The following MTFR2 variants were observed in gnomAD, a reference collection of about 807,000 sequenced individuals.
MTFR2 encodes the protein DUF729 domain-containing protein 1.
A neutral mutation model predicts 41.2 loss-of-function variants in MTFR2; 44 were observed. The ratio of observed to expected loss-of-function variants is 1.07; its 90% confidence interval spans 0.84 to 1.37. The LOEUF is 1.37. Ranked by LOEUF, MTFR2 falls within the 40% of genes most tolerant of loss-of-function variation. MTFR2 has a pLI of 0.00. For missense variants in MTFR2, 452 were observed against 459.5 expected, an observed-to-expected ratio of 0.98 and a Z score of 0.15; for synonymous variants, 141 against 154.6, an observed-to-expected ratio of 0.91 and a Z score of 0.65.
chr6:136,236,887 A>G (rs1779921237), intron 6 of MTFR2, among the ~76,000 whole-genome samples: 1 of 152,364 alleles, frequency 6.6e-6, no homozygotes, highest in South Asian at 2.1e-4. Flanking sequence ...CAGTAAAGAA[A>G]TGAAAAAGAT....
intron 6 of MTFR2, among the ~76,000 whole-genome samples, chr6:136,236,330 T>C (rs1779904475): frequency 6.6e-6 from 1 of 151,934 alleles, no homozygotes; most frequent in Non-Finnish European, 1.5e-5. Flanking sequence ...AGCCTGGCCA[T>C]GAATGATGAC....
intron 6 of MTFR2, among the ~76,000 whole-genome samples, chr6:136,236,616 T>A (rs1413609393): frequency 6.6e-6 from 1 of 152,116 alleles, no homozygotes; most frequent in Admixed American, 6.5e-5. Context: ...CCTACAGCCA[T>A]GAGATTCTTC....
chr6:136,231,079 G>A lies in MTFR2; in HGVS notation c.*196C>T. The A allele has an allele frequency of 1.9e-6, 1 of 520,960 alleles. No individual in the cohort carries two copies. The highest frequency in any genetic ancestry group is 2.7e-5 in the South Asian group (1 of 37,372). 32.3% of individuals were successfully genotyped at this position (520,960 alleles called of 1,614,324 possible). On this transcript the variant is annotated 3_prime_UTR_variant, in exon 8 of 8. Transcript: ENST00000420702. ...TAAGCTCTATGTACAGAAGAACAGA[G>A]TATAAACGTAAAAAGGAACAAAGGA... is the stretch of plus-strand genomic sequence containing the variant.
intron 3 of MTFR2, among the ~76,000 whole-genome samples, chr6:136,244,426 C>G (rs543582841): frequency 1.3e-5 from 2 of 152,254 alleles, no homozygotes; most frequent in African/African-American, 4.8e-5. Context: ...AAAAGGTTTG[C>G]AGACTAGAAG....
At position 136,244,783 on chromosome 6, in the gene MTFR2, A is replaced by C; in HGVS notation, c.150T>G (p.Cys50Trp). Reference protein sequence around the residue: ...IIGKMLPLEPCRRPNFELIPL... With the variant: ...IIGKMLPLEPWRRPNFELIPL... ...GACTTACCTCAAAATTAGGTCTTCG[A>C]CAAGGTTCCAGTGGAAGCATTTTCC... The change falls in exon 3 of 8, where the codon TGT becomes TGG. Residue 50 changes from cysteine (C) to tryptophan (W), a missense_variant. Cys to Trp is a radical substitution (Grantham distance 215, BLOSUM62 -2). Coordinates refer to ENST00000420702, the MANE Select transcript of MTFR2 (RefSeq NM_001099286.3). 1 of 1,612,234 alleles carries C rather than the reference A, an allele frequency of 6.2e-7. No homozygotes were observed. Among genetic ancestry groups the C allele is most frequent in the Non-Finnish European group, 8.5e-7 (1 of 1,178,918 alleles).
At chr6:136,236,322 C>A (rs1226418422) in intron 6 of MTFR2, among the ~76,000 whole-genome samples, 1 of 151,936 alleles carries the variant, frequency 6.6e-6, no homozygotes, top group African/African-American at 2.4e-5. Context: ...AAAGGAAGAG[C>A]CTGGCCATGA....
In MTFR2 at chr6:136,244,811, A is replaced by G; in HGVS notation, c.122T>C (p.Ile41Thr). 1 of 1,612,946 alleles carries G rather than the reference A, an allele frequency of 6.2e-7. No homozygotes were observed. Among genetic ancestry groups the G allele is most frequent in the African/African-American group, 1.3e-5 (1 of 75,012 alleles). Residue 41 changes from isoleucine (I) to threonine (T), a missense_variant, in exon 3 of 8, where the codon ATT becomes ACT. Transcript: ENST00000420702. ...AGGTTCCAGTGGAAGCATTTTCCCA[A>G]TAATACGAACAATACTCCTAGTTGA... is the stretch of plus-strand genomic sequence containing the variant. ...YGSTRSIVRI[I>T]GKMLPLEPCR...
Position 136,239,753 on chromosome 6 carries a change from C to T in MTFR2, c.582G>A (p.Leu194=), listed in dbSNP as rs1397957770. 9 of 1,613,966 alleles carry T rather than the reference C, an allele frequency of 5.6e-6. No individual in the cohort carries two copies. The highest frequency in any genetic ancestry group is 7.6e-6 in the Non-Finnish European group (9 of 1,180,018). Reference sequence around the variant, plus strand: ...CTGGAAGCTGATCTGGGTCCACACTCAGATGGGCAGCCCGCGATGATGACA... The same window carrying T: ...CTGGAAGCTGATCTGGGTCCACACTTAGATGGGCAGCCCGCGATGATGACA... ...GQLSSSRAAH[L]SVDPDQLPGS... Residue 194 remains leucine, a synonymous_variant, in exon 6 of 8, where the codon CTG becomes CTA. Transcript: ENST00000420702.
chr6:136,244,976 T>C, intron 2 of MTFR2, 107 bp from the exon 3 acceptor site: 2 of 726,026 alleles, frequency 2.8e-6, no homozygotes, highest in Non-Finnish European at 4.4e-6. Context: ...AGTGGCATTT[T>C]TTTTTTAATA....
Position 136,244,875 on chromosome 6 carries a change from TTAAACA to T in MTFR2, c.64-12_64-7del. On this transcript the variant is annotated splice_region_variant and splice_polypyrimidine_tract_variant and intron_variant, in intron 2 of 7. Transcript: ENST00000420702. ...TTTTCCCAAATCAGCAAAACCTATT[TTAAACA>T]TAAAGTATGAATTAAAATGCACTCT... 1 of 1,582,754 alleles carries T rather than the reference TTAAACA, an allele frequency of 6.3e-7. No individual in the cohort carries two copies. The highest frequency in any genetic ancestry group is 8.6e-7 in the Non-Finnish European group (1 of 1,156,622).
chr6:136,249,090 T>C lies in MTFR2; in HGVS notation c.10A>G (p.Ile4Val), dbSNP rs1780292806. The C allele has an allele frequency of 1.3e-6, 2 of 1,589,370 alleles. No homozygotes were observed. The highest frequency in any genetic ancestry group is 2.3e-5 in the East Asian group (1 of 43,862). MSL[I>V]LNILREMLEY... ...AGCATCTCTCTTAAGATATTCAGTA[T>C]GAGAGACATTGATGAAGCAAATACA... is the stretch of plus-strand genomic sequence containing the variant. The change falls in exon 2 of 8, where the codon ATA (isoleucine) becomes GTA (valine). Residue 4 changes from isoleucine to valine, a missense_variant. Coordinates refer to ENST00000420702, the MANE Select transcript of MTFR2 (RefSeq NM_001099286.3).
At position 136,231,116 on chromosome 6, in the gene MTFR2, C is replaced by T; in HGVS notation, c.*159G>A. On this transcript the variant is annotated 3_prime_UTR_variant, in exon 8 of 8. Coordinates refer to ENST00000420702, the MANE Select transcript of MTFR2 (RefSeq NM_001099286.3). ...AAAGGAACAAAGGAAACAAAAATGA[C>T]AGGCATACATATTTACATAGCAAGT... 1 of 550,778 alleles carries T rather than the reference C, an allele frequency of 1.8e-6. No homozygotes were observed. Among genetic ancestry groups the T allele is most frequent in the East Asian group, 3.0e-5 (1 of 33,734 alleles). The allele number at this position is 550,778 out of a possible 1,614,324, so 34.1% of individuals were successfully genotyped here.
chr6:136,231,678 A>AAAAAAAAAAAAAAAAAAAAAAAT (rs1779762892), intron 7 of MTFR2, among the ~76,000 whole-genome samples: 1 of 148,160 alleles, frequency 6.7e-6, no homozygotes. Context: ...GTAAAAAAAA[A>AAAAAAAAAAAAAAAAAAAAAAAT]AAAAAAAAAA....
chr6:136,236,847 C>T (rs932825438), intron 6 of MTFR2, among the ~76,000 whole-genome samples: 2 of 152,110 alleles, frequency 1.3e-5, no homozygotes, highest in Non-Finnish European at 2.9e-5. Context: ...GTAAGCATGG[C>T]AAATCCCTTG....
intron 6 of MTFR2, among the ~76,000 whole-genome samples, chr6:136,235,200 A>C (rs1247930468): frequency 6.6e-6 from 1 of 150,782 alleles, no homozygotes; most frequent in Non-Finnish European, 1.5e-5. Context: ...TGATTCCTAG[A>C]TCTTAAGCAA....
chr6:136,237,897 A>C (rs1027176791), intron 6 of MTFR2, among the ~76,000 whole-genome samples: 1 of 152,212 alleles, frequency 6.6e-6, no homozygotes, highest in African/African-American at 2.4e-5. Flanking sequence ...AGGAAGCTAT[A>C]GGAAGATATG....
At chr6:136,244,942 A>T in intron 2 of MTFR2, 73 bp from the exon 3 acceptor site, 1 of 1,186,948 alleles carries the variant, frequency 8.4e-7, no homozygotes, top group Admixed American at 2.7e-5. Flanking sequence ...AAAAAAGGAG[A>T]TGTAAAAAAG....
rs376346756 is a variant in MTFR2 at position 136,233,508 on chromosome 6, T to TA, written c.870-10dup. On this transcript the variant is annotated splice_polypyrimidine_tract_variant and intron_variant, in intron 6 of 7. Coordinates refer to ENST00000420702, the MANE Select transcript of MTFR2 (RefSeq NM_001099286.3). ...GTCTACCGCCAGGTGACCTATTTTT[T>TA]AAAAAAAAAAATTGAATTTATTAAA... 12,084 of 1,239,354 alleles carry TA rather than the reference T, an allele frequency of 9.8e-3. No individual in the cohort carries two copies. The highest frequency in any genetic ancestry group is 0.017 in the South Asian group (960 of 57,644). 76.8% of individuals were successfully genotyped at this position (1,239,354 alleles called of 1,614,324 possible).
intron 5 of MTFR2, among the ~76,000 whole-genome samples, chr6:136,240,069 T>TAAAC (rs58779332): frequency 0.16 from 24,224 of 151,842 alleles, 6,234 homozygotes; most frequent in African/African-American, 0.54. Context: ...GAATGCATCT[T>TAAAC]AAACAAACAA....
Sources: allele counts gnomAD v4.1 joint callset (sites outside exome capture counted in the v4.1 genomes callset), GRCh38; gene constraint gnomAD v4.1.1; transcripts MANE v1.5; gene names NCBI Gene and HGNC (gene_info 2026-07-23, HGNC 2026-07-21).